Variants in SLCO3A1 observed in about 807,000 individuals in gnomAD.
SLCO3A1 encodes PGE1 transporter.
In SLCO3A1, 27 loss-of-function variants were observed where a neutral mutation model predicts 63.1. The observed-to-expected ratio is 0.43, with a 90% CI of 0.32 to 0.59. The LOEUF (loss-of-function observed/expected upper bound fraction) is 0.59, where lower values mean the gene tolerates loss of function less well. Ranked by LOEUF, SLCO3A1 falls within the 20% of genes least tolerant of loss-of-function variation. The pLI is 0.09. For synonymous variants in SLCO3A1, 473 were observed against 409.9 expected (o/e 1.15, Z -1.86); for missense variants, 773 against 945.8 (o/e 0.82, Z 2.40).
chr15:91,887,951 T>C (rs998522968), intron 1 of SLCO3A1, among the ~76,000 whole-genome samples: 5 of 152,174 alleles, frequency 3.3e-5, no homozygotes, highest in Admixed American at 2.6e-4. Flanking sequence ...ATGTGCTGAG[T>C]ACATAATTAG....
chr15:92,076,032 C>T (rs1016255159), intron 2 of SLCO3A1, among the ~76,000 whole-genome samples: 16 of 152,230 alleles, frequency 1.1e-4, no homozygotes, highest in Non-Finnish European at 2.1e-4. Flanking sequence ...AGTGACAGCT[C>T]CCTGCTTGCA....
intron 7 of SLCO3A1, among the ~76,000 whole-genome samples, chr15:92,145,700 G>A (rs771669844): frequency 1.1e-4 from 17 of 152,168 alleles, no homozygotes; most frequent in South Asian, 2.1e-4. Flanking sequence ...ACAGAGGGGC[G>A]GGGCCTCGGG....
At chr15:91,989,404 G>C (rs1272645462) in intron 2 of SLCO3A1, among the ~76,000 whole-genome samples, 1 of 152,170 alleles carries the variant, frequency 6.6e-6, no homozygotes, top group Non-Finnish European at 1.5e-5. Flanking sequence ...CCCGTTTCCA[G>C]CCCACATGTG....
Position 91,859,191 on chromosome 15 carries a change from G to A in SLCO3A1, c.180+5103G>A, listed in dbSNP as rs1896993746. ...GGACATTTCAATGGTAACTTTGACT[G>A]TATGGTTGACACATGGATTTGGAAC... On this transcript the variant is annotated intron_variant, in intron 1 of 9. Transcript: ENST00000318445. This position sits in a 1 kb window ranked among gnomAD's most constrained non-coding sequence, Gnocchi z 5.1. 1.3e-5 allele frequency among the ~76,000 whole-genome samples: 2 copies of A among 152,202 alleles called. No homozygotes were observed. Among genetic ancestry groups the A allele is most frequent in the African/African-American group, 2.4e-5 (1 of 41,452 alleles).
intron 2 of SLCO3A1, among the ~76,000 whole-genome samples, chr15:91,949,665 G>C (rs72754010): frequency 6.6e-6 from 1 of 151,922 alleles, no homozygotes; most frequent in African/African-American, 2.4e-5. Context: ...AATTGCCAGC[G>C]TGGTTCTGGG....
intron 4 of SLCO3A1, among the ~76,000 whole-genome samples, chr15:92,118,470 G>C (rs563128349): frequency 2.0e-5 from 3 of 152,136 alleles, no homozygotes; most frequent in Non-Finnish European, 4.4e-5. Context: ...TCCTGGAAAT[G>C]GTAAATTCTA....
Position 91,989,427 on chromosome 15 carries a change from T to C in SLCO3A1, c.646+72969T>C, listed in dbSNP as rs981235242. Among the ~76,000 whole-genome samples the C allele has an allele frequency of 3.3e-5, 5 of 152,218 alleles. No individual in the cohort carries two copies. In the East Asian group the frequency reaches 5.8e-4, roughly 18 times the overall value. ...CAGCCCACATGTGAGCAGATACTTA[T>C]GGATTGTATGTCCGTAGTAAATATG... is the stretch of plus-strand genomic sequence containing the variant. On this transcript the variant is annotated intron_variant, in intron 2 of 9. Coordinates refer to ENST00000318445, the MANE Select transcript of SLCO3A1 (RefSeq NM_013272.4).
At chr15:92,079,191 C>T (rs1000539287) in intron 2 of SLCO3A1, among the ~76,000 whole-genome samples, 1 of 152,130 alleles carries the variant, frequency 6.6e-6, no homozygotes, top group South Asian at 2.1e-4. Flanking sequence ...GCTGCATTCA[C>T]GTTGGATGGC....
At chr15:91,880,106 C>T (rs886166649) in intron 1 of SLCO3A1, among the ~76,000 whole-genome samples, 2 of 72,162 alleles carry the variant, frequency 2.8e-5, no homozygotes, top group Admixed American at 1.3e-4. Flanking sequence ...TGTGTCCGTC[C>T]GTCCGTCCGT....
At chr15:92,094,429 G>T (rs992438404) in intron 2 of SLCO3A1, among the ~76,000 whole-genome samples, 199 of 152,332 alleles carry the variant, frequency 1.3e-3, no homozygotes, top group African/African-American at 4.4e-3. Context: ...TTGTGGCATA[G>T]ATTATCCTCA....
chr15:91,940,733 T>G (rs1899590870), intron 2 of SLCO3A1, among the ~76,000 whole-genome samples: 1 of 152,146 alleles, frequency 6.6e-6, no homozygotes, highest in African/African-American at 2.4e-5. Context: ...TTCAGGGGCA[T>G]CCTCCACAAC....
In SLCO3A1 at chr15:92,098,576, G is replaced by A. The variant is rs534780013; in HGVS notation, c.745+3597G>A. On this transcript the variant is annotated intron_variant, in intron 3 of 9. Transcript: ENST00000318445. Reference sequence around the variant, plus strand: ...CACTGCCTTGGCCAACCTTAACTATGTGGGTTTATTACAAAAAGATTAGTA... The same window carrying A: ...CACTGCCTTGGCCAACCTTAACTATATGGGTTTATTACAAAAAGATTAGTA... 1.1e-3 allele frequency among the ~76,000 whole-genome samples: 162 copies of A among 152,312 alleles called. 1 individual carries two copies. Among genetic ancestry groups the A allele is most frequent in the African/African-American group, 3.7e-3 (154 of 41,568 alleles).
rs1324272484 is a variant in SLCO3A1, at chr15:91,880,403, C to CTGTGTGTGTGTGTGTGTGTG, written c.180+26316_180+26317insGTGTGTGTGTGTGTGTGTGT. ...TGCTTCTCTCTCTCTCTCTCTCTCTCTCTCTCTGTGTGTGTGTGTGTGTAG... is the reference window on the plus strand; with the variant it reads ...TGCTTCTCTCTCTCTCTCTCTCTCTCTGTGTGTGTGTGTGTGTGTGTCTCTCTGTGTGTGTGTGTGTGTAG... On this transcript the variant is annotated intron_variant, in intron 1 of 9. Transcript: ENST00000318445. 2.7e-3 allele frequency among the ~76,000 whole-genome samples: 385 copies of CTGTGTGTGTGTGTGTGTGTG among 140,582 alleles called. 1 individual carries two copies. The highest frequency in any genetic ancestry group is 8.4e-3 in the African/African-American group (302 of 35,772). The allele number at this position is 140,582 out of a possible 152,430, so 92.2% of individuals were successfully genotyped here.
At chr15:91,951,129 T>G (rs72754015) in intron 2 of SLCO3A1, among the ~76,000 whole-genome samples, 10,777 of 152,254 alleles carry the variant, frequency 0.071, 442 homozygotes, top group Non-Finnish European at 0.087. Flanking sequence ...CCTGTGGTTT[T>G]TAGTATATTA....
rs1297745399 is a variant in SLCO3A1 at position 92,029,907 on chromosome 15, T to A, written c.647-64974T>A. Among the ~76,000 whole-genome samples, 3 of 152,036 alleles carry A rather than the reference T, an allele frequency of 2.0e-5. No individual in the cohort carries two copies. The East Asian group carries it at 5.8e-4, about 29-fold the overall frequency. Reference sequence around the variant, plus strand: ...ACCTTCTTGGCTCAGGTGAAGAGTCTGTGAACCAAAAGGCCACAGGTCAAT... The same window carrying A: ...ACCTTCTTGGCTCAGGTGAAGAGTCAGTGAACCAAAAGGCCACAGGTCAAT... On this transcript the variant is annotated intron_variant, in intron 2 of 9. Coordinates refer to ENST00000318445, the MANE Select transcript of SLCO3A1 (RefSeq NM_013272.4).
chr15:92,059,801 C>T (rs2047064650), intron 2 of SLCO3A1, among the ~76,000 whole-genome samples: 2 of 152,230 alleles, frequency 1.3e-5, no homozygotes, highest in African/African-American at 4.8e-5. Context: ...CTGATAAGTG[C>T]ATATCACTGT....
At chr15:92,116,864 T>G (rs767794299) in intron 4 of SLCO3A1, among the ~76,000 whole-genome samples, 4 of 152,146 alleles carry the variant, frequency 2.6e-5, no homozygotes, top group Non-Finnish European at 5.9e-5. Flanking sequence ...GAAACTGTCA[T>G]TTCTGGAGGC....
intron 9 of SLCO3A1, among the ~76,000 whole-genome samples, chr15:92,156,111 G>A (rs1463081828): frequency 6.6e-6 from 1 of 152,302 alleles, no homozygotes; most frequent in African/African-American, 2.4e-5. Context: ...CATTTGTTGA[G>A]TTCCTGCTGT....
chr15:91,911,608 GTATCTA>G (rs1398241881), intron 1 of SLCO3A1, among the ~76,000 whole-genome samples: 1 of 151,940 alleles, frequency 6.6e-6, no homozygotes, highest in African/African-American at 2.4e-5. Context: ...ATATATATAC[GTATCTA>G]TATCTATATA....
Sources: allele counts gnomAD v4.1 joint callset (sites outside exome capture counted in the v4.1 genomes callset), GRCh38; gene constraint gnomAD v4.1.1; non-coding constraint Gnocchi (gnomAD v3.1); transcripts MANE v1.5; gene names NCBI Gene and HGNC (gene_info 2026-07-23, HGNC 2026-07-21).